CCDC158: variants seen among roughly 807,000 people sequenced by gnomAD.
The protein encoded by CCDC158 is coiled-coil domain-containing protein 158.
In CCDC158, 116 loss-of-function variants were observed where a neutral mutation model predicts 138.6. That is an observed-to-expected ratio of 0.84 (90% CI 0.72 to 0.98). CCDC158 has a LOEUF of 0.98. CCDC158 is among the 50% of genes least tolerant of loss of function. CCDC158 has a pLI of 0.00. For missense variants in CCDC158, 1,265 were observed against 1,306.1 expected (o/e 0.97, Z 0.48); for synonymous variants, 436 against 442.4 (o/e 0.99, Z 0.18).
At chr4:76,403,915 G>A (rs925423397) in intron 2 of CCDC158, among the ~76,000 whole-genome samples, 3 of 152,108 alleles carry the variant, frequency 2.0e-5, no homozygotes, top group Admixed American at 1.3e-4. Flanking sequence ...GGAGGGAAGA[G>A]GTAAGCAGAA....
intron 2 of CCDC158, among the ~76,000 whole-genome samples, chr4:76,407,891 G>C (rs936351819): frequency 2.0e-5 from 3 of 152,128 alleles, no homozygotes; most frequent in Non-Finnish European, 4.4e-5. Flanking sequence ...TTCGACGTAA[G>C]ATGATGAATG....
chr4:76,393,658 AC>A (rs1727513350), intron 4 of CCDC158, among the ~76,000 whole-genome samples: 1 of 152,118 alleles, frequency 6.6e-6, no homozygotes, highest in Non-Finnish European at 1.5e-5. Context: ...AAGCTTCTAC[AC>A]AACAAAGGAA....
intron 9 of CCDC158, among the ~76,000 whole-genome samples, chr4:76,374,516 TC>T (rs765518648): frequency 6.6e-6 from 1 of 152,208 alleles, no homozygotes; most frequent in Non-Finnish European, 1.5e-5. Context: ...TCCATTTTTT[TC>T]ATCTGTAATT....
rs1241499289 is a variant in CCDC158, at chr4:76,421,100, C to T, written c.-252G>A. ...TCTTCGCCCCTAGGCCCCGCGGAGGCTGCGGGGCGGCTCCTCCTCCTCGGC... is the reference window on the plus strand; with the variant it reads ...TCTTCGCCCCTAGGCCCCGCGGAGGTTGCGGGGCGGCTCCTCCTCCTCGGC... On this transcript the variant is annotated 5_prime_UTR_variant, in exon 1 of 25. Coordinates refer to ENST00000682701, the MANE Select transcript of CCDC158 (RefSeq NM_001394954.1). 6.6e-6 allele frequency among the ~76,000 whole-genome samples: 1 copy of T among 151,996 alleles called. No individual in the cohort carries two copies. The highest frequency in any genetic ancestry group is 1.5e-5 in the Non-Finnish European group (1 of 67,974).
Position 76,396,360 on chromosome 4 carries a change from T to C in CCDC158, c.197A>G (p.Lys66Arg). The C allele has an allele frequency of 6.2e-7, 1 of 1,614,018 alleles. No individual in the cohort carries two copies. Among genetic ancestry groups the C allele is most frequent in the Non-Finnish European group, 8.5e-7 (1 of 1,179,906 alleles). The change falls in exon 4 of 25, where the codon AAA becomes AGA. Residue 66 changes from lysine to arginine, a missense_variant. Lys to Arg is a conservative substitution (Grantham distance 26). Coordinates refer to ENST00000682701, the MANE Select transcript of CCDC158 (RefSeq NM_001394954.1). ...TTCCTTTCCAGGAGATGGGATGATT[T>C]TTCTAGGAGAATCAAGTTCCACTTC... is the stretch of plus-strand genomic sequence containing the variant. ...KYEVELDSPR[K>R]IIPSPGKEHF...
intron 1 of CCDC158, among the ~76,000 whole-genome samples, chr4:76,414,978 C>G (rs1729578147): frequency 6.6e-6 from 1 of 152,122 alleles, no homozygotes; most frequent in Non-Finnish European, 1.5e-5. Flanking sequence ...GAGGTTGGAA[C>G]AGTTTGGAGG....
At chr4:76,357,141 C>T (rs1723649221) in intron 14 of CCDC158, among the ~76,000 whole-genome samples, 1 of 152,150 alleles carries the variant, frequency 6.6e-6, no homozygotes, top group African/African-American at 2.4e-5. Context: ...GAAATAGCCA[C>T]TAGAAAGGAA....
At chr4:76,339,136 A>C (rs922293595) in intron 18 of CCDC158, among the ~76,000 whole-genome samples, 2 of 152,188 alleles carry the variant, frequency 1.3e-5, no homozygotes, top group African/African-American at 4.8e-5. Context: ...CCATGCATTA[A>C]AAGACAAGCC....
intron 2 of CCDC158, among the ~76,000 whole-genome samples, chr4:76,407,713 C>T (rs1160254315): frequency 6.6e-6 from 1 of 152,102 alleles, no homozygotes; most frequent in African/African-American, 2.4e-5. Context: ...CAACCAAATA[C>T]TGGCAAATCA....
intron 23 of CCDC158, among the ~76,000 whole-genome samples, chr4:76,324,758 C>T (rs568968393): frequency 3.9e-4 from 59 of 152,028 alleles, no homozygotes; most frequent in Non-Finnish European, 2.2e-4. Context: ...TTTCCTTGTA[C>T]GGCAGGTAGC....
chr4:76,313,191 C>T lies in CCDC158; in HGVS notation c.3333G>A (p.Gln1111=). The change falls in exon 25 of 25, where the codon CAG becomes CAA. Residue 1111 remains glutamine (Q), a synonymous_variant. Transcript: ENST00000682701. ...CGAGTCATTTTAGTAACATTTTTTC[C>T]TGGTCTTTTACTTTCTGTATCCTCT... ...QEKRIQKVKD[Q]EKMLLK The T allele has an allele frequency of 1.2e-6, 2 of 1,605,702 alleles. No individual in the cohort carries two copies. Among genetic ancestry groups the T allele is most frequent in the Non-Finnish European group, 1.7e-6 (2 of 1,175,510 alleles).
At chr4:76,323,281 C>G in intron 24 of CCDC158, 21 bp downstream of exon 24, 1 of 1,551,964 alleles carries the variant, frequency 6.4e-7, no homozygotes, top group Non-Finnish European at 8.8e-7. Context: ...AGGAAGATCT[C>G]TCCAAAAACG....
At chr4:76,362,028 G>T in intron 13 of CCDC158, 98 bp downstream of exon 13, 1 of 865,762 alleles carries the variant, frequency 1.2e-6, no homozygotes, top group African/African-American at 1.7e-5. Context: ...TTTGTCATGT[G>T]AGTGAGACAC....
intron 18 of CCDC158, among the ~76,000 whole-genome samples, chr4:76,343,180 C>T (rs570936264): frequency 1.3e-5 from 2 of 152,278 alleles, no homozygotes; most frequent in African/African-American, 4.8e-5. Flanking sequence ...CTCCCACTCA[C>T]GTCACAGAAT....
At chr4:76,344,726 T>C (rs1415967151) in intron 18 of CCDC158, 3 of 1,613,886 alleles carry the variant, frequency 1.9e-6, no homozygotes, top group Middle Eastern at 1.6e-4. Flanking sequence ...TGTGGCTACA[T>C]GACACTCTTA....
chr4:76,317,647 GAACA>G (rs763423855), intron 24 of CCDC158, among the ~76,000 whole-genome samples: 5 of 152,068 alleles, frequency 3.3e-5, no homozygotes, highest in Admixed American at 6.5e-5. Context: ...CTATATCCTA[GAACA>G]AACAGACTTA....
chr4:76,400,444 A>C (rs1728255150), intron 3 of CCDC158, among the ~76,000 whole-genome samples: 1 of 151,230 alleles, frequency 6.6e-6, no homozygotes, highest in Non-Finnish European at 1.5e-5. Context: ...TAGGAGATAT[A>C]CCTAATGTAA....
intron 4 of CCDC158, among the ~76,000 whole-genome samples, chr4:76,395,048 A>C (rs958310781): frequency 2.6e-5 from 4 of 152,186 alleles, no homozygotes; most frequent in Admixed American, 2.0e-4. Context: ...AAACCTACAC[A>C]AGAAGGGAAA....
rs145870766 is a variant in CCDC158, at chr4:76,415,291, T to C, written c.-116-3159A>G. Among the ~76,000 whole-genome samples, 904 of 152,148 alleles carry C rather than the reference T, an allele frequency of 5.9e-3. 7 individuals carry two copies. The highest frequency in any genetic ancestry group is 0.011 in the Non-Finnish European group (717 of 68,000). On this transcript the variant is annotated intron_variant, in intron 1 of 24. Coordinates refer to ENST00000682701, the MANE Select transcript of CCDC158 (RefSeq NM_001394954.1). ...GATAAATTTCTAAGCAGCAAACCAT[T>C]AGAGAGGTGACCCGGGTACTGTTAA...
Sources: gnomAD v4.1 joint callset for allele counts (sites outside exome capture counted in the v4.1 genomes callset) on GRCh38, gnomAD v4.1.1 for gene constraint, MANE v1.5 for transcripts, NCBI Gene and HGNC (gene_info 2026-07-23, HGNC 2026-07-21) for gene names.